DSE: variants seen among roughly 807,000 people sequenced by gnomAD.
DSE encodes the protein dermatan-sulfate epimerase.
Under a neutral mutation model 84.4 loss-of-function variants are expected in DSE, and 36 were observed. The observed-to-expected ratio is 0.43, with a 90% CI of 0.33 to 0.56. DSE has a LOEUF of 0.56. Ranked by LOEUF, DSE falls within the 20% of genes least tolerant of loss-of-function variation. The pLI is 0.06. For synonymous variants in DSE, 410 were observed against 430.1 expected (o/e 0.95, Z 0.58); for missense variants, 862 against 1,169.6 (o/e 0.74, Z 3.84).
intron 2 of DSE, among the ~76,000 whole-genome samples, chr6:116,333,670 A>G (rs1777081604): frequency 6.6e-6 from 1 of 152,214 alleles, no homozygotes; most frequent in Non-Finnish European, 1.5e-5. Flanking sequence ...TGAATCTACT[A>G]AGTGGAAGAG....
intron 2 of DSE, among the ~76,000 whole-genome samples, chr6:116,310,257 G>A (rs991469670): frequency 6.6e-6 from 1 of 152,018 alleles, no homozygotes; most frequent in Non-Finnish European, 1.5e-5. Context: ...TCTACATGTG[G>A]AAGGGTGTGG....
chr6:116,426,802 G>A lies in DSE; in HGVS notation c.645G>A (p.Thr215=), dbSNP rs370613241. 1.0e-4 allele frequency: 161 copies of A among 1,613,728 alleles called. No homozygotes were observed. Among genetic ancestry groups the A allele is most frequent in the East Asian group, 3.3e-4 (15 of 44,890 alleles). Residue 215 remains threonine (T), a synonymous_variant, in exon 3 of 6, where the codon ACG becomes ACA. Transcript: ENST00000644252. ...HQPTNCMALL[T]GSLVLMNQGY... ...CCACCAACTGTATGGCTTTGCTCAC[G>A]GGAAGCCTAGTCCTGATGAATCAAG...
intron 2 of DSE, chr6:116,279,358 C>T: frequency 6.2e-7 from 1 of 1,611,902 alleles, no homozygotes; most frequent in Non-Finnish European, 8.5e-7. Flanking sequence ...GGCGCACTTT[C>T]CTGTCTTCAC....
At chr6:116,411,854 A>G (rs545770971) in intron 2 of DSE, among the ~76,000 whole-genome samples, 92 of 152,336 alleles carry the variant, frequency 6.0e-4, no homozygotes, top group African/African-American at 2.2e-3. Flanking sequence ...AAGTTGGGAC[A>G]ATATGATTAC....
intron 2 of DSE, among the ~76,000 whole-genome samples, chr6:116,331,224 A>C (rs1407462332): frequency 1.3e-5 from 2 of 152,216 alleles, no homozygotes; most frequent in Non-Finnish European, 2.9e-5. Context: ...TAGTTGTATT[A>C]GTTCATTCTC....
chr6:116,436,704 T>G lies in DSE; in HGVS notation c.2236T>G (p.Leu746Val), dbSNP rs748527580. 5.0e-6 allele frequency: 8 copies of G among 1,614,150 alleles called. No individual in the cohort carries two copies. Among genetic ancestry groups the G allele is most frequent in the Non-Finnish European group, 6.8e-6 (8 of 1,180,008 alleles). The change falls in exon 6 of 6, where the codon TTG (leucine) becomes GTG (valine). Residue 746 changes from leucine (L) to valine (V), a missense_variant. Physicochemically the swap from Leu to Val is conservative, Grantham distance 32. Coordinates refer to ENST00000644252, the MANE Select transcript of DSE (RefSeq NM_013352.4). ...CTATGCTGCTATTGTGGAACAGAACTTGCAGCATTTTAAACCAGTGTTTCA... is the reference window on the plus strand; with the variant it reads ...CTATGCTGCTATTGTGGAACAGAACGTGCAGCATTTTAAACCAGTGTTTCA... The part of the protein sequence containing the change: ...KDYAAIVEQN[L>V]QHFKPVFQLL...
At chr6:116,274,906 A>T (rs1773054466) in intron 2 of DSE, among the ~76,000 whole-genome samples, 2 of 152,226 alleles carry the variant, frequency 1.3e-5, no homozygotes, top group Non-Finnish European at 2.9e-5. Context: ...ATGCTTTCAG[A>T]TATTCCTCAG....
At chr6:116,398,385 A>T (rs1001482166) in intron 1 of DSE, among the ~76,000 whole-genome samples, 1 of 152,238 alleles carries the variant, frequency 6.6e-6, no homozygotes, top group African/African-American at 2.4e-5. Flanking sequence ...TACATTTCTC[A>T]CTTACTGAAT....
Position 116,437,363 on chromosome 6 carries a change from A to C in DSE, c.*18A>C, listed in dbSNP as rs370539254. The C allele has an allele frequency of 2.6e-5, 40 of 1,546,822 alleles. No individual in the cohort carries two copies. The highest frequency in any genetic ancestry group is 3.5e-5 in the Non-Finnish European group (40 of 1,149,960). ...AGTGTTAGCACTGAAGCTATAAATT[A>C]CCTGGTCATTTTGTGATCACAAGAG... On this transcript the variant is annotated 3_prime_UTR_variant, in exon 6 of 6. Transcript: ENST00000644252.
Position 116,278,732 on chromosome 6 carries a change from TGAA to T in DSE, c.-54+19767_-54+19769del, listed in dbSNP as rs781703026. 2.5e-6 allele frequency: 4 copies of T among 1,614,130 alleles called. No homozygotes were observed. In the Admixed American group the frequency reaches 6.7e-5, roughly 27 times the overall value. On this transcript the variant is annotated intron_variant, in intron 2 of 3. Transcript: ENST00000430252. Reference sequence around the variant, plus strand: ...CAGATGAGGTCTTGGTTTCTGCGAATGAAGGACTGGGGTTCATGCCCCCTGCGC... The same window carrying T: ...CAGATGAGGTCTTGGTTTCTGCGAATGGACTGGGGTTCATGCCCCCTGCGC...
chr6:116,293,324 T>C (rs1774419936), intron 2 of DSE, among the ~76,000 whole-genome samples: 1 of 150,836 alleles, frequency 6.6e-6, no homozygotes. Context: ...CAGACTCGAG[T>C]GCAGTGGCGT....
chr6:116,417,442 C>T (rs1218709761), intron 2 of DSE, among the ~76,000 whole-genome samples: 1 of 152,150 alleles, frequency 6.6e-6, no homozygotes. Flanking sequence ...ATCTAGAATA[C>T]TTTTCATTTG....
At chr6:116,371,483 G>A (rs141714589) in intron 1 of DSE, among the ~76,000 whole-genome samples, 217 of 152,342 alleles carry the variant, frequency 1.4e-3, no homozygotes, top group African/African-American at 5.0e-3. Context: ...TTTCCTCGAC[G>A]GTCCTTGGGG....
chr6:116,288,585 G>A (rs1774081075), intron 2 of DSE: 1 of 152,030 alleles, frequency 6.6e-6, no homozygotes, highest in Non-Finnish European at 1.5e-5. Flanking sequence ...ATGCATTCAA[G>A]ACCTGCACTG....
chr6:116,324,724 T>G (rs1031780388), intron 2 of DSE, among the ~76,000 whole-genome samples: 2 of 152,174 alleles, frequency 1.3e-5, no homozygotes, highest in East Asian at 3.8e-4. Flanking sequence ...TGAGTTAGCT[T>G]AAGGAAAGAA....
intron 1 of DSE, among the ~76,000 whole-genome samples, chr6:116,397,675 C>A (rs939369204): frequency 6.6e-6 from 1 of 152,288 alleles, no homozygotes; most frequent in South Asian, 2.1e-4. Flanking sequence ...TCCAGCCTGC[C>A]AGCTGCCTTG....
At chr6:116,365,616 T>C (rs1363174318), upstream of DSE, among the ~76,000 whole-genome samples, 1 of 152,166 alleles carries the variant, frequency 6.6e-6, no homozygotes, top group African/African-American at 2.4e-5. Flanking sequence ...CACCACTACG[T>C]AGCATTGGTT....
intron 2 of DSE, among the ~76,000 whole-genome samples, chr6:116,338,317 G>A (rs1777392407): frequency 6.7e-6 from 1 of 149,210 alleles, no homozygotes; most frequent in Non-Finnish European, 1.5e-5. Context: ...CTGCCTCCCG[G>A]GTTCAAGCAA....
At chr6:116,421,463 A>ATATATATATATATATATTTTT (rs1357496121) in intron 2 of DSE, among the ~76,000 whole-genome samples, 1 of 61,344 alleles carries the variant, frequency 1.6e-5, no homozygotes, top group Non-Finnish European at 2.7e-5. Context: ...ATATATATAT[A>ATATATATATATATATATTTTT]TTTTTTTTTT....
Sources: gnomAD v4.1 joint callset for allele counts (sites outside exome capture counted in the v4.1 genomes callset) on GRCh38, gnomAD v4.1.1 for gene constraint, MANE v1.5 for transcripts, NCBI Gene and HGNC (gene_info 2026-07-23, HGNC 2026-07-21) for gene names.